The following PPHLN1 variants were observed in gnomAD, a reference collection of about 807,000 sequenced individuals.
PPHLN1 encodes periphilin 1, also known as periphilin-1.
In PPHLN1, 29 loss-of-function variants were observed where a neutral mutation model predicts 51.3. The observed-to-expected ratio is 0.57, with a 90% CI of 0.42 to 0.77. PPHLN1 has a LOEUF of 0.77. PPHLN1 is among the 30% of genes least tolerant of loss of function. The pLI, the probability that PPHLN1 is intolerant of heterozygous loss-of-function variation, is 0.00. For synonymous variants in PPHLN1, 147 were observed against 147.8 expected (o/e 0.99, Z 0.04); for missense variants, 436 against 438.4 (o/e 0.99, Z 0.05).
chr12:42,401,323 A>G (rs11834697), intron 9 of PPHLN1, among the ~76,000 whole-genome samples: 30,329 of 152,164 alleles, frequency 0.2, 3,426 homozygotes, highest in African/African-American at 0.3. Context: ...AGAAAAGAAC[A>G]AGTACCATGA....
Position 42,335,919 on chromosome 12 carries a change from G to A in PPHLN1, c.17G>A (p.Arg6Gln), listed in dbSNP as rs1380790100. 2.5e-6 allele frequency: 4 copies of A among 1,584,288 alleles called. No homozygotes were observed. Among genetic ancestry groups the A allele is most frequent in the Middle Eastern group, 1.7e-4 (1 of 5,950 alleles). The change falls in exon 2 of 10, where the codon CGA (arginine) becomes CAA (glutamine). Residue 6 changes from arginine to glutamine, a missense_variant. By Grantham distance (43) the Arg-to-Gln change is conservative. Coordinates refer to ENST00000358314, the MANE Select transcript of PPHLN1 (RefSeq NM_201439.2). MWSEG[R>Q]YEYERIPRER... ...AGAGACGAAATGTGGTCTGAGGGAC[G>A]ATATGAATATGAAAGAATTCCGAGA...
chr12:42,343,875 C>T (rs989495983), intron 2 of PPHLN1: 2 of 443,920 alleles, frequency 4.5e-6, no homozygotes, highest in Admixed American at 5.0e-5. Flanking sequence ...TGGAATGACT[C>T]AGAAACACCA....
rs202148947 is a variant in PPHLN1, at chr12:42,441,492, T to C, written c.1087T>C (p.Phe363Leu). Residue 363 changes from phenylalanine (F) to leucine (L), a missense_variant, in exon 10 of 10, where the codon TTT becomes CTT. Transcript: ENST00000358314. Reference sequence around the variant, plus strand: ...AGAGTATGATACTTCCACTCAAGATTTTGGAGAGCCTTTTTAGATTTTTCT... The same window carrying C: ...AGAGTATGATACTTCCACTCAAGATCTTGGAGAGCCTTTTTAGATTTTTCT... ...IAEYDTSTQD[F>L]GEPF 4 of 1,595,134 alleles carry C rather than the reference T, an allele frequency of 2.5e-6. No homozygotes were observed. In the Admixed American group the frequency reaches 5.3e-5, roughly 21 times the overall value.
chr12:42,344,880 G>A (rs2072056756), intron 2 of PPHLN1, among the ~76,000 whole-genome samples: 2 of 151,674 alleles, frequency 1.3e-5, no homozygotes, highest in Non-Finnish European at 2.9e-5. Context: ...GGCTAATTTT[G>A]TGTATTTTTA....
At chr12:42,425,179 A>G (rs190163352) in intron 9 of PPHLN1, among the ~76,000 whole-genome samples, 11 of 150,890 alleles carry the variant, frequency 7.3e-5, no homozygotes, top group African/African-American at 2.4e-4. Flanking sequence ...CTCCCAGTTC[A>G]AGCAATTCTC....
At chr12:42,408,152 TA>T (rs1253195789) in intron 9 of PPHLN1, among the ~76,000 whole-genome samples, 2 of 152,008 alleles carry the variant, frequency 1.3e-5, no homozygotes, top group East Asian at 3.9e-4. Flanking sequence ...ACTTGCTATT[TA>T]AAAAAAACAT....
At chr12:42,367,965 A>G (rs1314103391) in intron 4 of PPHLN1, among the ~76,000 whole-genome samples, 1 of 152,132 alleles carries the variant, frequency 6.6e-6, no homozygotes, top group Non-Finnish European at 1.5e-5. Context: ...GAACTCCTTG[A>G]ACTCAAGTGA....
chr12:42,372,597 G>A (rs1013372581), intron 4 of PPHLN1, among the ~76,000 whole-genome samples: 57 of 152,076 alleles, frequency 3.7e-4, no homozygotes, highest in Admixed American at 3.2e-3. Context: ...TTCTTCGACA[G>A]CCCATTTCTC....
chr12:42,395,922 C>A (rs1345819493), intron 8 of PPHLN1, among the ~76,000 whole-genome samples: 4 of 152,062 alleles, frequency 2.6e-5, no homozygotes, highest in African/African-American at 4.8e-5. Context: ...CATAGAAAGT[C>A]CAGTGAAATT....
chr12:42,345,931 C>T (rs2138042226), intron 2 of PPHLN1, among the ~76,000 whole-genome samples: 1 of 151,646 alleles, frequency 6.6e-6, no homozygotes, highest in Non-Finnish European at 1.5e-5. Flanking sequence ...TTATTTTTAA[C>T]ATTAAATTTT....
intron 8 of PPHLN1, among the ~76,000 whole-genome samples, chr12:42,396,363 T>A (rs2078193784): frequency 6.6e-6 from 1 of 152,114 alleles, no homozygotes; most frequent in Non-Finnish European, 1.5e-5. Context: ...ATGCATTGTA[T>A]ATCCACTTGT....
chr12:42,442,625 C>CCGGT (rs534906905), downstream of PPHLN1: 91 of 1,613,734 alleles, frequency 5.6e-5, no homozygotes, highest in Admixed American at 1.1e-3. Context: ...CTCCTTTCAT[C>CCGGT]CGGTCGCTCG....
chr12:42,346,190 C>A (rs1164147135), intron 2 of PPHLN1, among the ~76,000 whole-genome samples: 1 of 152,124 alleles, frequency 6.6e-6, no homozygotes, highest in East Asian at 1.9e-4. Context: ...ACTTATTCAT[C>A]TTACTTACCT....
chr12:42,419,564 A>G (rs1172389236), intron 9 of PPHLN1, among the ~76,000 whole-genome samples: 3 of 152,194 alleles, frequency 2.0e-5, no homozygotes, highest in African/African-American at 7.2e-5. Context: ...AGTTGCATCT[A>G]TGGAAATTAA....
chr12:42,384,718 G>A (rs982339406), intron 5 of PPHLN1, among the ~76,000 whole-genome samples: 1 of 152,000 alleles, frequency 6.6e-6, no homozygotes, highest in South Asian at 2.1e-4. Flanking sequence ...GTTCCCCTTG[G>A]CTTCTTGCCT....
At chr12:42,382,348 A>G (rs1448409341) in intron 5 of PPHLN1, among the ~76,000 whole-genome samples, 1 of 152,154 alleles carries the variant, frequency 6.6e-6, no homozygotes, top group African/African-American at 2.4e-5. Context: ...TTCACTCATC[A>G]ATATATAGAC....
At chr12:42,386,586 T>TC (rs1230456393) in intron 6 of PPHLN1, among the ~76,000 whole-genome samples, 1 of 152,192 alleles carries the variant, frequency 6.6e-6, no homozygotes, top group African/African-American at 2.4e-5. Context: ...TCTGTGTGAC[T>TC]CCAAATTTTA....
At chr12:42,416,292 G>A (rs890638526) in intron 9 of PPHLN1, among the ~76,000 whole-genome samples, 7 of 152,206 alleles carry the variant, frequency 4.6e-5, no homozygotes, top group African/African-American at 1.7e-4. Flanking sequence ...ATTAGAAGGA[G>A]CTTGAATAGT....
chr12:42,427,663 A>G (rs2081619788), intron 9 of PPHLN1, among the ~76,000 whole-genome samples: 1 of 152,232 alleles, frequency 6.6e-6, no homozygotes, highest in Non-Finnish European at 1.5e-5. Flanking sequence ...ATTGTAGAAG[A>G]CAACTTAGGA....
Sources: allele counts gnomAD v4.1 joint callset (sites outside exome capture counted in the v4.1 genomes callset), GRCh38; gene constraint gnomAD v4.1.1; transcripts MANE v1.5; gene names NCBI Gene and HGNC (gene_info 2026-07-23, HGNC 2026-07-21).